The following EBF2 variants were observed in gnomAD, a reference collection of about 807,000 sequenced individuals.
The protein encoded by EBF2 is transcription factor COE2.
A neutral mutation model predicts 72.8 loss-of-function variants in EBF2; 21 were observed. The ratio of observed to expected loss-of-function variants is 0.29; its 90% confidence interval spans 0.20 to 0.42. The LOEUF (loss-of-function observed/expected upper bound fraction) is 0.42, where lower values mean the gene tolerates loss of function less well. Ranked by LOEUF, EBF2 falls within the 10% of genes least tolerant of loss-of-function variation. The pLI is 1.00. For synonymous variants in EBF2, 299 were observed against 274.2 expected (o/e 1.09, Z -0.89); for missense variants, 637 against 731.2 (o/e 0.87, Z 1.49).
chr8:26,024,689 T>A (rs568364088), intron 6 of EBF2, among the ~76,000 whole-genome samples: 1 of 152,154 alleles, frequency 6.6e-6, no homozygotes. Context: ...TGAATTAATA[T>A]CTATGGAGTG....
At chr8:25,848,921 G>A (rs1181514360) in intron 15 of EBF2, among the ~76,000 whole-genome samples, 2 of 152,284 alleles carry the variant, frequency 1.3e-5, no homozygotes, top group African/African-American at 2.4e-5. Flanking sequence ...ATGGGGAAGA[G>A]GAAGGAAAGT....
At chr8:25,861,524 A>T in intron 11 of EBF2, 150 bp from the exon 12 acceptor site, 1 of 740,138 alleles carries the variant, frequency 1.4e-6, no homozygotes, top group Non-Finnish European at 2.2e-6. Context: ...TGACAGGTAG[A>T]ATACAATTGT....
intron 10 of EBF2, among the ~76,000 whole-genome samples, chr8:25,868,627 T>G (rs1339642090): frequency 6.6e-6 from 1 of 152,118 alleles, no homozygotes; most frequent in Non-Finnish European, 1.5e-5. Context: ...GCTACAGACA[T>G]GCACCACATG....
chr8:25,890,643 G>T (rs1802761897), intron 7 of EBF2, among the ~76,000 whole-genome samples: 1 of 152,152 alleles, frequency 6.6e-6, no homozygotes, highest in African/African-American at 2.4e-5. Flanking sequence ...CTGAAATGAG[G>T]TATAATGAGA....
chr8:25,921,809 A>G (rs1803308673), intron 6 of EBF2, among the ~76,000 whole-genome samples: 1 of 152,188 alleles, frequency 6.6e-6, no homozygotes, highest in Admixed American at 6.5e-5. Flanking sequence ...TCTTTAAAAA[A>G]TTGCTCCTCA....
intron 14 of EBF2, 137 bp downstream of exon 14, chr8:25,858,182 G>A (rs758135969): frequency 1.8e-6 from 2 of 1,084,526 alleles, no homozygotes; most frequent in East Asian, 5.1e-5. Flanking sequence ...AAGGCAGGAA[G>A]GATGCTTAAT....
At chr8:25,884,426 G>A (rs1258966378) in intron 10 of EBF2, among the ~76,000 whole-genome samples, 1 of 152,134 alleles carries the variant, frequency 6.6e-6, no homozygotes, top group Non-Finnish European at 1.5e-5. Flanking sequence ...CTCCACAGCT[G>A]GCGCCATCCT....
At chr8:25,890,101 A>G (rs894253033) in intron 7 of EBF2, among the ~76,000 whole-genome samples, 18 of 152,220 alleles carry the variant, frequency 1.2e-4, no homozygotes, top group African/African-American at 4.3e-4. Context: ...AAGCACACCC[A>G]TGTAATGAAG....
chr8:26,009,871 G>T (rs1349260804), intron 6 of EBF2, among the ~76,000 whole-genome samples: 2 of 152,134 alleles, frequency 1.3e-5, no homozygotes, highest in East Asian at 3.8e-4. Context: ...AAGCCAAGAA[G>T]AAAAACATGC....
chr8:25,992,981 G>A (rs1034597903), intron 6 of EBF2, among the ~76,000 whole-genome samples: 1 of 152,032 alleles, frequency 6.6e-6, no homozygotes, highest in African/African-American at 2.4e-5. Context: ...TGTGTGGAAA[G>A]GGACCCAGCT....
rs189560419 is a variant in EBF2, at chr8:25,889,852, C to G, written c.651G>C (p.Thr217=). 1 of 1,613,822 alleles carries G rather than the reference C, an allele frequency of 6.2e-7. No homozygotes were observed. ...MRRFQVVLST[T]VNVDGHVLAV... is the part of the protein sequence containing the mutation. ...CCAGGACGTGTCCATCCACATTCAC[C>G]GTTGTTGACAACACAACCTGCATAT... The change falls in exon 8 of 16, where the codon ACG becomes ACC. Residue 217 remains threonine, a synonymous_variant. Coordinates refer to ENST00000520164, the MANE Select transcript of EBF2 (RefSeq NM_022659.4).
At chr8:25,937,060 G>C (rs770288976) in intron 6 of EBF2, among the ~76,000 whole-genome samples, 12 of 152,204 alleles carry the variant, frequency 7.9e-5, no homozygotes, top group Non-Finnish European at 1.3e-4. Flanking sequence ...AGGTTAATTA[G>C]AATTGTAACA....
intron 6 of EBF2, among the ~76,000 whole-genome samples, chr8:25,947,234 C>T (rs1358546637): frequency 6.6e-6 from 1 of 152,118 alleles, no homozygotes; most frequent in African/African-American, 2.4e-5. Flanking sequence ...ATGATGTTCG[C>T]ATGATAGTGA....
intron 6 of EBF2, among the ~76,000 whole-genome samples, chr8:25,934,207 T>C (rs1803533429): frequency 6.8e-6 from 1 of 147,464 alleles, no homozygotes; most frequent in South Asian, 2.2e-4. Context: ...TGCTGCTTAT[T>C]GTTGACTTCA....
At chr8:25,924,207 G>A (rs1803349321) in intron 6 of EBF2, among the ~76,000 whole-genome samples, 1 of 152,216 alleles carries the variant, frequency 6.6e-6, no homozygotes, top group Non-Finnish European at 1.5e-5. Flanking sequence ...TAATGCCTCT[G>A]AGAGATGCTG....
In EBF2 at chr8:25,847,778, T is replaced by C. The variant is rs1801868351; in HGVS notation, c.1696+2816A>G. ...GTGGCTAATACTCTTTAAGGATTTC[T>C]CCACACGTCACTTGATATTTTCATA... is the stretch of plus-strand genomic sequence containing the variant. On this transcript the variant is annotated intron_variant, in intron 15 of 15. Transcript: ENST00000520164. 2.0e-5 allele frequency among the ~76,000 whole-genome samples: 3 copies of C among 152,176 alleles called. No individual in the cohort carries two copies. The South Asian group carries it at 6.2e-4, about 32-fold the overall frequency.
intron 6 of EBF2, among the ~76,000 whole-genome samples, chr8:25,944,379 C>T (rs550878456): frequency 2.6e-5 from 4 of 152,220 alleles, no homozygotes; most frequent in African/African-American, 7.2e-5. Context: ...GCCAGCTCAT[C>T]CCTTGGGGGC....
chr8:25,880,734 T>C (rs1802592653), intron 10 of EBF2, among the ~76,000 whole-genome samples: 1 of 152,222 alleles, frequency 6.6e-6, no homozygotes, highest in Non-Finnish European at 1.5e-5. Flanking sequence ...AGGTGAACTT[T>C]TGTAAAGTTT....
At chr8:25,943,688 G>A (rs971046630) in intron 6 of EBF2, among the ~76,000 whole-genome samples, 4 of 151,958 alleles carry the variant, frequency 2.6e-5, no homozygotes, top group African/African-American at 4.8e-5. Context: ...AAAACTCCTC[G>A]TCCCTTAAAA....
Sources: allele counts gnomAD v4.1 joint callset (sites outside exome capture counted in the v4.1 genomes callset), GRCh38; gene constraint gnomAD v4.1.1; transcripts MANE v1.5; gene names NCBI Gene and HGNC (gene_info 2026-07-23, HGNC 2026-07-21).